Variants in STAG2 observed in about 807,000 individuals in gnomAD.
STAG2 encodes cohesin subunit SA-2.
STAG2 carries 14 observed loss-of-function variants against 108.1 expected under a neutral mutation model. That is an observed-to-expected ratio of 0.13 (90% CI 0.09 to 0.20). The LOEUF is 0.20. Ranked by LOEUF, STAG2 falls within the 10% of genes least tolerant of loss-of-function variation. The pLI is 1.00. For missense variants in STAG2, 440 were observed against 940.9 expected (o/e 0.47, Z 6.96); for synonymous variants, 307 against 302.7 (o/e 1.01, Z -0.15).
At chrX:124,091,093 TA>T (rs1191079666) in intron 32 of STAG2, 129 bp downstream of exon 32, 4 of 521,533 alleles carry the variant, frequency 7.7e-6, no homozygotes, top group Non-Finnish European at 1.2e-5. Flanking sequence ...ATCAAGGAAC[TA>T]AAAATTGGTC....
intron 6 of STAG2, among the ~76,000 whole-genome samples, chrX:124,039,714 TC>T (rs2057646914): frequency 1.9e-5 from 2 of 107,601 alleles, no homozygotes. Context: ...GGTCTCAATC[TC>T]CTAGCCTGAA....
At chrX:123,991,174 A>G (rs1427181277) in intron 1 of STAG2, among the ~76,000 whole-genome samples, 1 of 112,127 alleles carries the variant, frequency 8.9e-6, no homozygotes, top group African/African-American at 3.2e-5. Flanking sequence ...ATAATTGTAT[A>G]GTGAATACTC....
rs780928248 is a variant in STAG2 at position 124,083,842 on chromosome X, C to T, written c.3053+293C>T. ...GGACTCACTATGTTGCCCAGACTGG[C>T]TTTGAACTCCTGGGCTCCAGTGATT... On this transcript the variant is annotated intron_variant, in intron 29 of 34. Transcript: ENST00000371145. Among the ~76,000 whole-genome samples, 3 of 111,957 alleles carry T rather than the reference C, an allele frequency of 2.7e-5. No homozygotes were observed. The South Asian group carries it at 1.1e-3, about 41-fold the overall frequency.
chrX:124,055,090 AAC>A, intron 13 of STAG2, among the ~76,000 whole-genome samples: 1 of 112,183 alleles, frequency 8.9e-6, no homozygotes, highest in Non-Finnish European at 1.9e-5. Flanking sequence ...TTTTGTTAAA[AAC>A]ACACAAGTTA....
intron 1 of STAG2, among the ~76,000 whole-genome samples, chrX:123,984,514 G>A (rs1047768343): frequency 9.0e-6 from 1 of 111,275 alleles, no homozygotes; most frequent in African/African-American, 3.3e-5. Context: ...CTCCATGGGG[G>A]CAAAAACTTC....
chrX:124,095,349 AC>A lies in STAG2; in HGVS notation c.3706-22del, dbSNP rs764530861. 1.0e-5 allele frequency: 12 copies of A among 1,178,421 alleles called. No individual in the cohort carries two copies. The Admixed American group carries it at 2.0e-4, about 19-fold the overall frequency. On this transcript the variant is annotated intron_variant, in intron 33 of 34. Coordinates refer to ENST00000371145, the MANE Select transcript of STAG2 (RefSeq NM_001042750.2). ...TGTAGATATAGCTAAACTAATGTCA[AC>A]TTATTTCCTTTTTTCCTTTAGCCAC... is the stretch of plus-strand genomic sequence containing the variant.
chrX:124,040,420 G>T (rs1008194938), intron 6 of STAG2, among the ~76,000 whole-genome samples: 6 of 110,787 alleles, frequency 5.4e-5, no homozygotes, highest in African/African-American at 2.0e-4. Context: ...GATTTTAGCA[G>T]TCTTGCTAAA....
chrX:124,052,982 A>C, intron 13 of STAG2, among the ~76,000 whole-genome samples: 1 of 110,145 alleles, frequency 9.1e-6, no homozygotes, highest in Non-Finnish European at 1.9e-5. Context: ...ACGCCTGGGT[A>C]ATTTTTGTAT....
chrX:124,034,901 T>TATTATC (rs1569509104), intron 5 of STAG2, among the ~76,000 whole-genome samples: 3 of 101,133 alleles, frequency 3.0e-5, no homozygotes, highest in African/African-American at 1.0e-4. Context: ...TTATTATTAT[T>TATTATC]ATTATCATTA....
intron 25 of STAG2, among the ~76,000 whole-genome samples, chrX:124,071,928 CCTTA>C (rs2058674347): frequency 9.0e-6 from 1 of 111,454 alleles, no homozygotes; most frequent in Admixed American, 9.6e-5. Flanking sequence ...ACCCTAATTG[CCTTA>C]CTTTAGCATG....
At chrX:124,027,656 A>G (rs752435401) in intron 4 of STAG2, among the ~76,000 whole-genome samples, 2 of 111,789 alleles carry the variant, frequency 1.8e-5, no homozygotes, top group African/African-American at 6.5e-5. Context: ...TATACTATGT[A>G]TGTTCCATGT....
chrX:124,041,391 G>C (rs1360044275), intron 6 of STAG2, among the ~76,000 whole-genome samples: 1 of 109,205 alleles, frequency 9.2e-6, no homozygotes, highest in Non-Finnish European at 1.9e-5. Context: ...TTGAAGCTGG[G>C]ATTATGGATT....
chrX:123,983,315 G>C (rs2054979378), intron 1 of STAG2, among the ~76,000 whole-genome samples: 1 of 109,709 alleles, frequency 9.1e-6, no homozygotes, highest in Non-Finnish European at 1.9e-5. Context: ...CTTATTTGTG[G>C]TTCTCCTAGT....
rs56942682 is a variant in STAG2 at position 124,097,179 on chromosome X, CAAAAAAAAAAA to C, written c.3783+1745_3783+1755del. 2.6e-4 allele frequency among the ~76,000 whole-genome samples: 10 copies of C among 38,194 alleles called. No individual in the cohort carries two copies. The East Asian group carries it at 3.8e-3, about 14-fold the overall frequency. 33.2% of individuals were successfully genotyped at this position (38,194 alleles called of 115,157 possible). A position where few individuals can be genotyped will look rare whatever the true frequency, so the allele number is the denominator to read the frequency against. On this transcript the variant is annotated intron_variant, in intron 34 of 34. Coordinates refer to ENST00000371145, the MANE Select transcript of STAG2 (RefSeq NM_001042750.2). ...GGGTGACAGAGCCGAGACCCTGTCT[CAAAAAAAAAAA>C]AAAAAAAAAAAAAAGTAGAATCTGC... is the stretch of plus-strand genomic sequence containing the variant.
At chrX:124,062,522 T>C (rs2058413137) in intron 17 of STAG2, among the ~76,000 whole-genome samples, 1 of 112,322 alleles carries the variant, frequency 8.9e-6, no homozygotes, top group African/African-American at 3.2e-5. Context: ...ATTTGTTACT[T>C]ATGTGTCATG....
intron 7 of STAG2, among the ~76,000 whole-genome samples, chrX:124,043,992 C>T (rs971616194): frequency 1.8e-5 from 2 of 111,247 alleles, no homozygotes; most frequent in African/African-American, 6.5e-5. Context: ...AAAATGTTGT[C>T]TGATTTGAGT....
intron 1 of STAG2, among the ~76,000 whole-genome samples, chrX:123,980,495 A>G (rs1213596924): frequency 8.9e-6 from 1 of 112,097 alleles, no homozygotes. Context: ...TGTATACAGT[A>G]TAAAAACTGT....
chrX:124,059,995 G>T (rs925873746), intron 15 of STAG2, among the ~76,000 whole-genome samples: 1 of 111,519 alleles, frequency 9.0e-6, no homozygotes, highest in African/African-American at 3.3e-5. Context: ...TTCCCTCTAT[G>T]TTCATAAAGG....
At position 124,061,756 on chromosome X, in the gene STAG2, T is replaced by C; in HGVS notation, c.1535-15T>C. The C allele has an allele frequency of 1.1e-6, 1 of 897,571 alleles. No homozygotes were observed. The highest frequency in any genetic ancestry group is 1.5e-6 in the Non-Finnish European group (1 of 683,737). 74.0% of individuals were successfully genotyped at this position (897,571 alleles called of 1,213,427 possible). ...AACTCTTTCTGACTTTTTTTTTTTT[T>C]TTTTTTTTTTTTAGCACTAACAGAT... On this transcript the variant is annotated splice_polypyrimidine_tract_variant and intron_variant, in intron 16 of 34. Coordinates refer to ENST00000371145, the MANE Select transcript of STAG2 (RefSeq NM_001042750.2).
Sources: gnomAD v4.1 joint callset for allele counts (sites outside exome capture counted in the v4.1 genomes callset) on GRCh38, gnomAD v4.1.1 for gene constraint, MANE v1.5 for transcripts, NCBI Gene and HGNC (gene_info 2026-07-23, HGNC 2026-07-21) for gene names.